ELF4: variants seen among roughly 807,000 people sequenced by gnomAD.
The protein encoded by ELF4 is E74 like ETS transcription factor 4, also known as ETS-related transcription factor Elf-4.
In ELF4, 10 loss-of-function variants were observed where a neutral mutation model predicts 31.7. That is an observed-to-expected ratio of 0.32 (90% CI 0.19 to 0.54). The LOEUF is 0.54. Among genes scored for constraint, ELF4 ranks in the 20% least tolerant of loss-of-function variants. The pLI, the probability that ELF4 is intolerant of heterozygous loss-of-function variation, is 0.95. For missense variants in ELF4, 418 were observed against 522.0 expected (o/e 0.80, Z 1.94); for synonymous variants, 208 against 226.7 (o/e 0.92, Z 0.74).
chrX:130,072,233 C>G lies in ELF4; in HGVS notation c.525G>C (p.Lys175Asn), dbSNP rs771368102. ...EESAKKTGKSKKRIRKTKGNR... is the reference protein window; with the variant it reads ...EESAKKTGKSNKRIRKTKGNR... ...TCACTCTCCCCCACTTACTTCTCTT[C>G]TTTGATTTCCCAGTCTTCTTGGCAC... Residue 175 changes from lysine (K) to asparagine (N), a missense_variant, in exon 5 of 9, where the codon AAG (lysine) becomes AAC (asparagine). Lys to Asn is a moderately conservative substitution (Grantham distance 94). Coordinates refer to ENST00000308167, the MANE Select transcript of ELF4 (RefSeq NM_001421.4). 8.3e-7 allele frequency: 1 copy of G among 1,204,423 alleles called. No individual in the cohort carries two copies.
chrX:130,110,518 G>T (rs1228070603), upstream of ELF4: 1 of 108,242 alleles, frequency 9.2e-6, no homozygotes, highest in African/African-American at 3.3e-5. Context: ...CGCGGCGCCC[G>T]GTCGGTCCCC....
chrX:130,080,284 G>T (rs1342576047), intron 2 of ELF4, among the ~76,000 whole-genome samples: 1 of 110,427 alleles, frequency 9.1e-6, no homozygotes, highest in African/African-American at 3.3e-5. Flanking sequence ...ATTAGCCGGG[G>T]ATGGTGGCAA....
intron 2 of ELF4, among the ~76,000 whole-genome samples, chrX:130,078,388 G>A (rs1053428685): frequency 9.4e-3 from 1 of 106 alleles, no homozygotes; most frequent in Admixed American, 0.091. Context: ...GGAGGCGTGA[G>A]AGCAGAAGGA....
intron 1 of ELF4, among the ~76,000 whole-genome samples, chrX:130,099,224 C>T (rs915285610): frequency 3.6e-5 from 4 of 112,037 alleles, no homozygotes; most frequent in Non-Finnish European, 7.5e-5. Flanking sequence ...CAGAGCTCCA[C>T]GCAGGCTTAT....
Position 130,081,459 on chromosome X carries a change from G to T in ELF4, c.-129C>A, listed in dbSNP as rs1036147359. Reference sequence around the variant, plus strand: ...TACCCCCTGAGCTGCAGTAAAATAGGGGGTGGAGAGAGCTGGAGTAGGTGG... The same window carrying T: ...TACCCCCTGAGCTGCAGTAAAATAGTGGGTGGAGAGAGCTGGAGTAGGTGG... On this transcript the variant is annotated 5_prime_UTR_variant, in exon 2 of 9. Transcript: ENST00000308167. The T allele has an allele frequency of 1.4e-6, 1 of 708,572 alleles. No individual in the cohort carries two copies. The highest frequency in any genetic ancestry group is 2.2e-6 in the Non-Finnish European group (1 of 455,716). The allele number at this position is 708,572 out of a possible 1,213,427, so 58.4% of individuals were successfully genotyped here. A position where few individuals can be genotyped will look rare whatever the true frequency, so the allele number is the denominator to read the frequency against.
intron 1 of ELF4, among the ~76,000 whole-genome samples, chrX:130,093,661 G>C (rs919738186): frequency 4.5e-5 from 5 of 112,114 alleles, no homozygotes; most frequent in Non-Finnish European, 9.4e-5. Context: ...AGTCCTCCTG[G>C]GGACAGGCCA....
rs749671983 is a variant in ELF4 at position 130,074,577 on chromosome X, A to G, written c.247+4T>C. ...CACCTTCTCTGCCCAGGAAGGGAAC[A>G]GACCTGTCAGCAAAAAACTGCCTTC... On this transcript the variant is annotated splice_donor_region_variant and intron_variant, in intron 3 of 8. Transcript: ENST00000308167. 2 of 1,211,882 alleles carry G rather than the reference A, an allele frequency of 1.7e-6. No homozygotes were observed. Among genetic ancestry groups the G allele is most frequent in the Non-Finnish European group, 2.2e-6 (2 of 895,556 alleles).
chrX:130,099,192 TCC>T (rs746396301), intron 1 of ELF4, among the ~76,000 whole-genome samples: 41 of 112,013 alleles, frequency 3.7e-4, no homozygotes, highest in Admixed American at 1.1e-3. Context: ...CGGGCCTCCC[TCC>T]CTAGAGATTT....
chrX:130,086,117 AG>A (rs1233077441), intron 1 of ELF4, among the ~76,000 whole-genome samples: 1 of 112,227 alleles, frequency 8.9e-6, no homozygotes, highest in African/African-American at 3.2e-5. Context: ...TGCCCAGTGA[AG>A]GGGCCCTAGT....
At chrX:130,083,874 A>G (rs867586126) in intron 1 of ELF4, among the ~76,000 whole-genome samples, 2 of 100,813 alleles carry the variant, frequency 2.0e-5, no homozygotes, top group South Asian at 4.2e-4. Flanking sequence ...ATGGATGGAT[A>G]GATTGGTGGT....
rs61757372 is a variant in ELF4 at position 130,069,575 on chromosome X, A to G, written c.912T>C (p.Asp304=). 16 of 1,209,869 alleles carry G rather than the reference A, an allele frequency of 1.3e-5. No homozygotes were observed. Among genetic ancestry groups the G allele is most frequent in the Non-Finnish European group, 1.7e-5 (15 of 894,308 alleles). The change falls in exon 8 of 9, where the codon GAT becomes GAC. Residue 304 remains aspartate, a synonymous_variant. Coordinates refer to ENST00000308167, the MANE Select transcript of ELF4 (RefSeq NM_001421.4). The stretch of plus-strand genomic sequence containing the variant: ...GGGCTGCTGTGGCTTCGCTGCTCTC[A>G]TCCTCATCTTCAATGACCACCAGGT... The part of the protein sequence containing the change: ...PKDLVVIEDE[D]ESSEATAAPP...
At position 130,066,612 on chromosome X, in the gene ELF4, G is replaced by A. The variant is rs1039891744; in HGVS notation, c.*109C>T. 8.1e-6 allele frequency: 7 copies of A among 862,511 alleles called. No individual in the cohort carries two copies. In the South Asian group the frequency reaches 1.3e-4, roughly 17 times the overall value. 71.1% of individuals were successfully genotyped at this position (862,511 alleles called of 1,213,427 possible). Reference sequence around the variant, plus strand: ...AGGGCCGGGGGACTTGGGGTCAAGTGTATTGACATCCCACTGAAATGCAGG... The same window carrying A: ...AGGGCCGGGGGACTTGGGGTCAAGTATATTGACATCCCACTGAAATGCAGG... On this transcript the variant is annotated 3_prime_UTR_variant, in exon 9 of 9. Transcript: ENST00000308167.
intron 1 of ELF4, among the ~76,000 whole-genome samples, chrX:130,092,579 T>C (rs1933078961): frequency 8.9e-6 from 1 of 112,277 alleles, no homozygotes; most frequent in Non-Finnish European, 1.9e-5. Context: ...TGAGTAGAAA[T>C]GACTTTATCA....
chrX:130,104,475 G>A (rs1933341423), intron 1 of ELF4, among the ~76,000 whole-genome samples: 1 of 111,618 alleles, frequency 9.0e-6, no homozygotes, highest in Non-Finnish European at 1.9e-5. Context: ...GCAAAGTCAA[G>A]GGTGTGTGAA....
chrX:130,072,441 G>T (rs1569402809), intron 4 of ELF4, 24 bp from the exon 5 acceptor site: 1 of 1,209,599 alleles, frequency 8.3e-7, no homozygotes, highest in Non-Finnish European at 1.1e-6. Flanking sequence ...GACCTGAGGT[G>T]GGCGGGGCCC....
At position 130,066,689 on chromosome X, in the gene ELF4, C is replaced by T. The variant is rs750716582; in HGVS notation, c.*32G>A. The T allele has an allele frequency of 8.3e-7, 1 of 1,199,469 alleles. No individual in the cohort carries two copies. The stretch of plus-strand genomic sequence containing the variant: ...CTATGAAAATGCTGCTCAATTTTGC[C>T]TGGTGGGTCACACTTGCCCTGACCC... On this transcript the variant is annotated 3_prime_UTR_variant, in exon 9 of 9. Transcript: ENST00000308167.
At chrX:130,108,978 G>C (rs1004594081) in intron 1 of ELF4, among the ~76,000 whole-genome samples, 14 of 112,533 alleles carry the variant, frequency 1.2e-4, no homozygotes, top group Non-Finnish European at 2.6e-4. Context: ...TCCTGTACTG[G>C]ATGCACTGAA....
intron 5 of ELF4, 105 bp downstream of exon 5, chrX:130,072,121 C>T: frequency 2.9e-6 from 3 of 1,026,902 alleles, no homozygotes; most frequent in Non-Finnish European, 4.1e-6. Flanking sequence ...CCATCTCTGT[C>T]ACACCAGAGA....
rs747081487 is a variant in ELF4 at position 130,064,667 on chromosome X, C to T, written c.*2054G>A. On this transcript the variant is annotated 3_prime_UTR_variant, in exon 9 of 9. Coordinates refer to ENST00000308167, the MANE Select transcript of ELF4 (RefSeq NM_001421.4). Reference sequence around the variant, plus strand: ...GAAGTGGTAGGTGAAGAACCAGCCCCGGAAAGGGTGATGGGGGATGCAGGA... The same window carrying T: ...GAAGTGGTAGGTGAAGAACCAGCCCTGGAAAGGGTGATGGGGGATGCAGGA... Among the ~76,000 whole-genome samples, 1 of 111,344 alleles carries T rather than the reference C, an allele frequency of 9.0e-6. No homozygotes were observed. Among genetic ancestry groups the T allele is most frequent in the Non-Finnish European group, 1.9e-5 (1 of 53,010 alleles).
Sources: allele counts gnomAD v4.1 joint callset (sites outside exome capture counted in the v4.1 genomes callset), GRCh38; gene constraint gnomAD v4.1.1; transcripts MANE v1.5; gene names NCBI Gene and HGNC (gene_info 2026-07-23, HGNC 2026-07-21).